The following PPME1 variants were observed in gnomAD, a reference collection of about 807,000 sequenced individuals.
The protein encoded by PPME1 is protein phosphatase methylesterase 1.
A neutral mutation model predicts 56.9 loss-of-function variants in PPME1; 17 were observed. That is an observed-to-expected ratio of 0.30 (90% CI 0.20 to 0.45). The LOEUF is 0.45. Among genes scored for constraint, PPME1 ranks in the 20% least tolerant of loss-of-function variants. The pLI is 1.00. For missense variants in PPME1, 357 were observed against 483.2 expected (o/e 0.74, Z 2.45); for synonymous variants, 122 against 156.2 (o/e 0.78, Z 1.63).
chr11:74,214,197 TAAA>T (rs1408245331), intron 3 of PPME1, among the ~76,000 whole-genome samples: 1 of 152,134 alleles, frequency 6.6e-6, no homozygotes, highest in Non-Finnish European at 1.5e-5. Flanking sequence ...ATTGACATAA[TAAA>T]GAATGCATCA....
intron 1 of PPME1, among the ~76,000 whole-genome samples, chr11:74,183,505 TTTATATATA>T (rs1315449608): frequency 6.6e-6 from 1 of 152,092 alleles, no homozygotes; most frequent in Non-Finnish European, 1.5e-5. Flanking sequence ...TCTGCTTTCA[TTTATATATA>T]TTATATATAT....
rs1233411783 is a variant in PPME1 at position 74,254,585 on chromosome 11, A to T, written c.*1075A>T. The T allele has an allele frequency of 1.3e-5, 2 of 152,696 alleles. No individual in the cohort carries two copies. Among genetic ancestry groups the T allele is most frequent in the African/African-American group, 4.8e-5 (2 of 41,276 alleles). The allele number at this position is 152,696 out of a possible 1,614,324, so 9.5% of individuals were successfully genotyped here. A position where few individuals can be genotyped will look rare whatever the true frequency, so the allele number is the denominator to read the frequency against. On this transcript the variant is annotated 3_prime_UTR_variant, in exon 14 of 14. Coordinates refer to ENST00000328257, the MANE Select transcript of PPME1 (RefSeq NM_016147.3). ...TCTTAGGTGATGTGTAGCCCCCTCC[A>T]CCTTTCCACTCAACAACCTCCCACC...
chr11:74,192,917 A>C (rs766755142), intron 1 of PPME1, among the ~76,000 whole-genome samples: 6 of 152,210 alleles, frequency 3.9e-5, no homozygotes, highest in Non-Finnish European at 7.4e-5. Context: ...ATGTTACAGC[A>C]AGAACAGACT....
intron 1 of PPME1, among the ~76,000 whole-genome samples, chr11:74,177,131 A>C (rs1460283239): frequency 6.6e-6 from 1 of 152,082 alleles, no homozygotes; most frequent in African/African-American, 2.4e-5. Context: ...TAAATTTTTT[A>C]GTCCTTTACC....
intron 1 of PPME1, among the ~76,000 whole-genome samples, chr11:74,199,532 G>A (rs1244425001): frequency 6.6e-6 from 1 of 152,064 alleles, no homozygotes; most frequent in Non-Finnish European, 1.5e-5. Flanking sequence ...GGCTATTCAC[G>A]AGTGTGATAA....
chr11:74,193,843 A>C (rs1857908518), intron 1 of PPME1, among the ~76,000 whole-genome samples: 1 of 152,098 alleles, frequency 6.6e-6, no homozygotes, highest in Non-Finnish European at 1.5e-5. Context: ...TAAATGTGTT[A>C]AGCAGTTATT....
At position 74,230,795 on chromosome 11, in the gene PPME1, C is replaced by T. The variant is rs1859046055; in HGVS notation, c.554-117C>T. On this transcript the variant is annotated intron_variant, in intron 6 of 13. Coordinates refer to ENST00000328257, the MANE Select transcript of PPME1 (RefSeq NM_016147.3). This position sits in a 1 kb window ranked among gnomAD's most constrained non-coding sequence, Gnocchi z 4.9. ...ATTATTGAGGGCCATCTTTATTTCTCTGCGAGCATCACTAAATTCTGCTGT... is the reference window on the plus strand; with the variant it reads ...ATTATTGAGGGCCATCTTTATTTCTTTGCGAGCATCACTAAATTCTGCTGT... 4.9e-6 allele frequency: 4 copies of T among 817,766 alleles called. 1 individual carries two copies. The highest frequency in any genetic ancestry group is 1.7e-5 in the African/African-American group (1 of 57,744). 50.7% of individuals were successfully genotyped at this position (817,766 alleles called of 1,614,324 possible). A position where few individuals can be genotyped will look rare whatever the true frequency, so the allele number is the denominator to read the frequency against.
At chr11:74,239,573 C>CTTT (rs756708278) in intron 9 of PPME1, among the ~76,000 whole-genome samples, 16 of 125,454 alleles carry the variant, frequency 1.3e-4, no homozygotes, top group East Asian at 2.2e-4. Flanking sequence ...TCATCCAGAT[C>CTTT]TTTTTTTTTT....
intron 11 of PPME1, chr11:74,247,933 A>G (rs1859549894): frequency 6.6e-6 from 1 of 152,654 alleles, no homozygotes; most frequent in South Asian, 2.1e-4. Flanking sequence ...AGTTTTGAAT[A>G]CTGCTTTTCC....
At chr11:74,217,292 A>G (rs2135642111) in intron 3 of PPME1, among the ~76,000 whole-genome samples, 1 of 152,310 alleles carries the variant, frequency 6.6e-6, no homozygotes, top group East Asian at 1.9e-4. Context: ...CTGTAATCCC[A>G]GCACTTTGAG....
intron 1 of PPME1, among the ~76,000 whole-genome samples, chr11:74,177,630 G>A (rs1857433925): frequency 6.6e-6 from 1 of 151,960 alleles, no homozygotes; most frequent in African/African-American, 2.4e-5. Flanking sequence ...CATTCATTTT[G>A]AGGATTTTCG....
At chr11:74,219,120 C>T (rs1356640841) in intron 3 of PPME1, among the ~76,000 whole-genome samples, 3 of 151,772 alleles carry the variant, frequency 2.0e-5, no homozygotes, top group South Asian at 4.2e-4. Flanking sequence ...ATGGCAGACA[C>T]GCATATGAAA....
intron 3 of PPME1, among the ~76,000 whole-genome samples, chr11:74,204,684 A>T (rs1331683105): frequency 1.3e-5 from 2 of 152,184 alleles, no homozygotes; most frequent in East Asian, 3.8e-4. Flanking sequence ...TGGCACTAGT[A>T]AAGGTTTGGG....
chr11:74,173,367 A>G (rs1857330746), intron 1 of PPME1, among the ~76,000 whole-genome samples: 1 of 152,164 alleles, frequency 6.6e-6, no homozygotes, highest in South Asian at 2.1e-4. Flanking sequence ...GATTTTTAAT[A>G]ATTATACATT....
At chr11:74,208,313 GA>G (rs534209366) in intron 3 of PPME1, among the ~76,000 whole-genome samples, 2,576 of 110,048 alleles carry the variant, frequency 0.023, 26 homozygotes, top group Non-Finnish European at 0.033. Flanking sequence ...TCTGTCTCAA[GA>G]AAAAAAAAAA....
chr11:74,222,361 G>A lies in PPME1; in HGVS notation c.338G>A (p.Arg113Gln). The A allele has an allele frequency of 6.2e-7, 1 of 1,609,540 alleles. No individual in the cohort carries two copies. The highest frequency in any genetic ancestry group is 8.5e-7 in the Non-Finnish European group (1 of 1,176,006). Residue 113 changes from arginine to glutamine, a missense_variant, in exon 4 of 14, where the codon CGA becomes CAA. Arg to Gln is a conservative substitution (Grantham distance 43, BLOSUM62 1). Around this residue, in one of 2 missense-constraint regions of PPME1, gnomAD observed 175 missense variants for 189.4 expected, o/e 0.92. Coordinates refer to ENST00000328257, the MANE Select transcript of PPME1 (RefSeq NM_016147.3). ...VQCRIVALDLRSHGETKVKNP... is the reference protein window; with the variant it reads ...VQCRIVALDLQSHGETKVKNP... ...TGTAGGATTGTAGCTTTGGATCTGC[G>A]AAGTCATGGTGAGTAAAGTTCTTAA...
In PPME1 at chr11:74,253,499, C is replaced by T. The variant is rs751225524; in HGVS notation, c.1150C>T (p.Pro384Ser). The T allele has an allele frequency of 8.7e-6, 14 of 1,608,794 alleles. No individual in the cohort carries two copies. Among genetic ancestry groups the T allele is most frequent in the Non-Finnish European group, 1.1e-5 (13 of 1,175,278 alleles). ...CTTTCTGTTCTTCCACAGTGTGTTTCCTGGCTGTTAGTGACCTGCTGTCCA... is the reference window on the plus strand; with the variant it reads ...CTTTCTGTTCTTCCACAGTGTGTTTTCTGGCTGTTAGTGACCTGCTGTCCA... The part of the protein sequence containing the change: ...EPIGGFQCVF[P>S]GC The change falls in exon 14 of 14, where the codon CCT becomes TCT. Residue 384 changes from proline to serine, a missense_variant. Coordinates refer to ENST00000328257, the MANE Select transcript of PPME1 (RefSeq NM_016147.3).
chr11:74,194,424 T>A (rs1047566482), intron 1 of PPME1, among the ~76,000 whole-genome samples: 1 of 152,150 alleles, frequency 6.6e-6, no homozygotes, highest in African/African-American at 2.4e-5. Context: ...AAAGCCAGAT[T>A]TAATGGTCTA....
At position 74,200,912 on chromosome 11, in the gene PPME1, C is replaced by T. The variant is rs182581330; in HGVS notation, c.102-2816C>T. On this transcript the variant is annotated intron_variant, in intron 1 of 13. Transcript: ENST00000328257. ...TGTTGCCCAGGCTGGATTAGAACTC[C>T]TGGGCTCAATTTATCTTCCCACCTC... Among the ~76,000 whole-genome samples, 32 of 152,088 alleles carry T rather than the reference C, an allele frequency of 2.1e-4. 1 individual carries two copies. The highest frequency in any genetic ancestry group is 1.5e-5 in the Non-Finnish European group (1 of 67,984).
Sources: gnomAD v4.1 joint callset for allele counts (sites outside exome capture counted in the v4.1 genomes callset) on GRCh38, gnomAD v4.1.1 for gene constraint, gnomAD v4.1.1 regional missense constraint, Gnocchi (gnomAD v3.1) non-coding constraint, MANE v1.5 for transcripts, NCBI Gene and HGNC (gene_info 2026-07-23, HGNC 2026-07-21) for gene names.